The following NKAIN3 variants were observed in gnomAD, a reference collection of about 807,000 sequenced individuals.
NKAIN3 encodes sodium/potassium-transporting ATPase subunit beta-1-interacting protein 3.
A neutral mutation model predicts 30.2 loss-of-function variants in NKAIN3; 25 were observed. The observed-to-expected ratio is 0.83, with a 90% CI of 0.60 to 1.16. The LOEUF (loss-of-function observed/expected upper bound fraction) is 1.16, where lower values mean the gene tolerates loss of function less well. Among genes scored for constraint, NKAIN3 ranks in the 50% most tolerant of loss-of-function variants. The pLI is 0.00. For synonymous variants in NKAIN3, 91 were observed against 89.6 expected, an observed-to-expected ratio of 1.02 and a Z score of -0.09; for missense variants, 225 against 254.1, an observed-to-expected ratio of 0.89 and a Z score of 0.78.
chr8:62,359,484 A>G (rs1290342072), intron 1 of NKAIN3, among the ~76,000 whole-genome samples: 5 of 152,202 alleles, frequency 3.3e-5, no homozygotes, highest in African/African-American at 1.2e-4. Context: ...GGGAGGTTTG[A>G]ACCTGCAGAG....
chr8:62,573,146 C>T (rs747309416), intron 1 of NKAIN3, among the ~76,000 whole-genome samples: 3 of 152,138 alleles, frequency 2.0e-5, no homozygotes, highest in Non-Finnish European at 4.4e-5. Flanking sequence ...AAAATATAGA[C>T]ACATAACATT....
intron 3 of NKAIN3, among the ~76,000 whole-genome samples, chr8:62,606,362 T>C (rs755172690): frequency 3.9e-5 from 6 of 152,124 alleles, no homozygotes; most frequent in Non-Finnish European, 7.4e-5. Flanking sequence ...TCTGTAATTT[T>C]CCTAAGCATA....
intron 3 of NKAIN3, among the ~76,000 whole-genome samples, chr8:62,590,966 A>T (rs1345368082): frequency 7.9e-5 from 12 of 151,972 alleles, no homozygotes; most frequent in Admixed American, 7.9e-4. Context: ...GTAGTTCACC[A>T]CTAATTTCTA....
chr8:62,820,125 C>G (rs1055354819), intron 4 of NKAIN3, among the ~76,000 whole-genome samples: 5 of 152,032 alleles, frequency 3.3e-5, no homozygotes, highest in Admixed American at 1.3e-4. Flanking sequence ...AGTTCTTCCC[C>G]ACAAAGAATT....
At chr8:62,851,277 G>T (rs1470770485) in intron 4 of NKAIN3, among the ~76,000 whole-genome samples, 1 of 152,154 alleles carries the variant, frequency 6.6e-6, no homozygotes, top group Non-Finnish European at 1.5e-5. Context: ...TGGTGTATAA[G>T]AATGCTTCTG....
At chr8:62,721,056 T>C (rs1407864485) in intron 3 of NKAIN3, among the ~76,000 whole-genome samples, 2 of 152,132 alleles carry the variant, frequency 1.3e-5, no homozygotes, top group Non-Finnish European at 1.5e-5. Context: ...GCTAGGAAAA[T>C]CTTTGCCCTT....
At chr8:62,584,310 A>G (rs1439045934) in intron 2 of NKAIN3, among the ~76,000 whole-genome samples, 1 of 152,208 alleles carries the variant, frequency 6.6e-6, no homozygotes, top group African/African-American at 2.4e-5. Context: ...TCACGCAGAG[A>G]TTAATAAAAT....
chr8:62,357,942 C>A (rs1816411894), intron 1 of NKAIN3, among the ~76,000 whole-genome samples: 1 of 152,122 alleles, frequency 6.6e-6, no homozygotes, highest in Non-Finnish European at 1.5e-5. Flanking sequence ...TAGATGTCAT[C>A]AGGCTATTTG....
chr8:62,788,347 T>A (rs1326616347), intron 4 of NKAIN3, among the ~76,000 whole-genome samples: 1 of 150,054 alleles, frequency 6.7e-6, no homozygotes, highest in Admixed American at 6.6e-5. Context: ...TTTTGAGAAG[T>A]GTCTGTTCAT....
In NKAIN3 at chr8:62,933,027, C is replaced by CACACACACACAA. The variant is rs1822668944; in HGVS notation, c.532+14516_532+14517insACACACACAAAC. Among the ~76,000 whole-genome samples the CACACACACACAA allele has an allele frequency of 2.0e-5, 3 of 151,880 alleles. 1 individual carries two copies. Among genetic ancestry groups the CACACACACACAA allele is most frequent in the Admixed American group, 2.0e-4 (3 of 15,244 alleles). ...ACACACACACACACACACACACACA[C>CACACACACACAA]ACCAGGGAATGAGAGAATTGATACC... On this transcript the variant is annotated intron_variant, in intron 5 of 6. Transcript: ENST00000623646.
intron 3 of NKAIN3, among the ~76,000 whole-genome samples, chr8:62,740,171 G>T (rs1815819900): frequency 6.6e-6 from 1 of 151,946 alleles, no homozygotes; most frequent in Non-Finnish European, 1.5e-5. Context: ...AAAACAATTA[G>T]AAAAATAAGA....
chr8:62,331,802 G>A (rs1360672406), intron 1 of NKAIN3, among the ~76,000 whole-genome samples: 1 of 152,078 alleles, frequency 6.6e-6, no homozygotes, highest in African/African-American at 2.4e-5. Flanking sequence ...CCTTGTTTGT[G>A]CAAGACCAAT....
chr8:62,316,145 G>A (rs1314321212), intron 1 of NKAIN3, among the ~76,000 whole-genome samples: 1 of 152,018 alleles, frequency 6.6e-6, no homozygotes, highest in Non-Finnish European at 1.5e-5. Flanking sequence ...GTTTTCTGAG[G>A]CCTCCCCAGC....
At chr8:62,732,891 T>A (rs1222232619) in intron 3 of NKAIN3, among the ~76,000 whole-genome samples, 1 of 152,138 alleles carries the variant, frequency 6.6e-6, no homozygotes, top group Non-Finnish European at 1.5e-5. Context: ...AAATGACACA[T>A]AGCTGAAATT....
intron 4 of NKAIN3, chr8:62,855,886 A>G (rs1457416315): frequency 1.3e-6 from 1 of 769,042 alleles, no homozygotes; most frequent in East Asian, 2.4e-5. Context: ...GCCACAAAAT[A>G]AAGAGAGATG....
At chr8:62,552,346 G>A (rs1358653010) in intron 1 of NKAIN3, among the ~76,000 whole-genome samples, 2 of 152,126 alleles carry the variant, frequency 1.3e-5, no homozygotes, top group Admixed American at 6.5e-5. Context: ...ATAATCCCTC[G>A]ATGGAGAGTT....
intron 1 of NKAIN3, among the ~76,000 whole-genome samples, chr8:62,543,163 A>G (rs2129900343): frequency 6.6e-6 from 1 of 152,274 alleles, no homozygotes; most frequent in African/African-American, 2.4e-5. Context: ...GGTATATATT[A>G]AAGGATTCAG....
At position 62,660,393 on chromosome 8, in the gene NKAIN3, G is replaced by A. The variant is rs564981739; in HGVS notation, c.273+70599G>A. Among the ~76,000 whole-genome samples, 229 of 152,210 alleles carry A rather than the reference G, an allele frequency of 1.5e-3. 1 individual carries two copies. The highest frequency in any genetic ancestry group is 5.3e-3 in the African/African-American group (220 of 41,542). On this transcript the variant is annotated intron_variant, in intron 3 of 6. Coordinates refer to ENST00000623646, the MANE Select transcript of NKAIN3 (RefSeq NM_001304533.3). ...TTTACAATCTATAATTAAGTATATGGATAGAGATGAGGTATCCATGTGTGA... is the reference window on the plus strand; with the variant it reads ...TTTACAATCTATAATTAAGTATATGAATAGAGATGAGGTATCCATGTGTGA...
intron 1 of NKAIN3, among the ~76,000 whole-genome samples, chr8:62,348,268 G>A (rs540139694): frequency 4.5e-4 from 68 of 152,160 alleles, no homozygotes; most frequent in South Asian, 3.5e-3. Context: ...TAAATTATTC[G>A]ACTTAAACTA....
Sources: allele counts gnomAD v4.1 joint callset (sites outside exome capture counted in the v4.1 genomes callset), GRCh38; gene constraint gnomAD v4.1.1; transcripts MANE v1.5; gene names NCBI Gene and HGNC (gene_info 2026-07-23, HGNC 2026-07-21).